The following STAT5A variants were observed in gnomAD, a reference collection of about 807,000 sequenced individuals.
STAT5A encodes epididymis secretory sperm binding protein.
Under a neutral mutation model 100.2 loss-of-function variants are expected in STAT5A, and 26 were observed. That is an observed-to-expected ratio of 0.26 (90% CI 0.19 to 0.36). STAT5A has a LOEUF of 0.36. Ranked by LOEUF, STAT5A falls within the 10% of genes least tolerant of loss-of-function variation. The pLI, the probability that STAT5A is intolerant of heterozygous loss-of-function variation, is 1.00. For missense variants in STAT5A, 634 were observed against 1,027.5 expected (o/e 0.62, Z 5.24); for synonymous variants, 330 against 424.3 (o/e 0.78, Z 2.73).
At chr17:42,301,932 G>A (rs2080983896) in intron 9 of STAT5A, among the ~76,000 whole-genome samples, 1 of 152,180 alleles carries the variant, frequency 6.6e-6, no homozygotes, top group Non-Finnish European at 1.5e-5. Flanking sequence ...ACTTTGGGAG[G>A]CCACGGTCGG....
chr17:42,295,615 C>G lies in STAT5A; in HGVS notation c.376-4C>G. 6.2e-7 allele frequency: 1 copy of G among 1,612,268 alleles called. No individual in the cohort carries two copies. Among genetic ancestry groups the G allele is most frequent in the Non-Finnish European group, 8.5e-7 (1 of 1,179,172 alleles). Reference sequence around the variant, plus strand: ...CGAGTTATTTCCATTCCATCTGTCTCCAGTGCAGCTCTCCGGCTGGGATCC... The same window carrying G: ...CGAGTTATTTCCATTCCATCTGTCTGCAGTGCAGCTCTCCGGCTGGGATCC... On this transcript the variant is annotated splice_region_variant and splice_polypyrimidine_tract_variant and intron_variant, in intron 4 of 18. Transcript: ENST00000590949.
chr17:42,295,668 T>A lies in STAT5A; in HGVS notation c.425T>A (p.Leu142His). 6.2e-7 allele frequency: 1 copy of A among 1,613,972 alleles called. No homozygotes were observed. Among genetic ancestry groups the A allele is most frequent in the Non-Finnish European group, 8.5e-7 (1 of 1,179,956 alleles). ...GTTGACGCCATGTCCCAGAAGCACC[T>A]TCAGATCAACCAGACATTTGAGGAG... Reference protein sequence around the residue: ...ILVDAMSQKHLQINQTFEELR... With the variant: ...ILVDAMSQKHHQINQTFEELR... The change falls in exon 5 of 19, where the codon CTT becomes CAT. Residue 142 changes from leucine (L) to histidine (H), a missense_variant. Leu to His is a moderately conservative substitution (Grantham distance 99, BLOSUM62 -3). Around this residue, in one of 5 missense-constraint regions of STAT5A, gnomAD observed 207 missense variants for 256.6 expected, o/e 0.81. Transcript: ENST00000590949.
At position 42,310,778 on chromosome 17, in the gene STAT5A, TTGTG is replaced by T. The variant is rs3833144; in HGVS notation, c.*129_*132del. On this transcript the variant is annotated 3_prime_UTR_variant, in exon 19 of 19. Coordinates refer to ENST00000590949, the MANE Select transcript of STAT5A (RefSeq NM_001288718.2). ...GACACCTTTGCAGGCATGCATGTGCTTGTGTGTGTGTGTGTGTGTGTGTCCTTGT... is the reference window on the plus strand; with the variant it reads ...GACACCTTTGCAGGCATGCATGTGCTTGTGTGTGTGTGTGTGTGTCCTTGT... 0.17 allele frequency: 241,348 copies of T among 1,411,040 alleles called. 13,906 individuals carry two copies. The highest frequency in any genetic ancestry group is 0.32 in the East Asian group (12,744 of 39,522). 87.4% of individuals were successfully genotyped at this position (1,411,040 alleles called of 1,614,324 possible).
chr17:42,289,996 C>G lies in STAT5A; in HGVS notation c.259C>G (p.Leu87Val). The G allele has an allele frequency of 1.2e-6, 2 of 1,613,054 alleles. No individual in the cohort carries two copies. Among genetic ancestry groups the G allele is most frequent in the Non-Finnish European group, 1.7e-6 (2 of 1,179,664 alleles). The change falls in exon 3 of 19, where the codon CTG becomes GTG. Residue 87 changes from leucine to valine, a missense_variant. Around this residue, in one of 5 missense-constraint regions of STAT5A, gnomAD observed 207 missense variants for 256.6 expected, o/e 0.81. Coordinates refer to ENST00000590949, the MANE Select transcript of STAT5A (RefSeq NM_001288718.2). ...AGATGGGTTTTTACTGAAGATCAAGCTGGGGCACTACGCCACGCAGCTCCA... is the reference window on the plus strand; with the variant it reads ...AGATGGGTTTTTACTGAAGATCAAGGTGGGGCACTACGCCACGCAGCTCCA... ...GEDGFLLKIK[L>V]GHYATQLQKT...
intron 5 of STAT5A, among the ~76,000 whole-genome samples, chr17:42,296,245 T>G (rs1459509592): frequency 6.6e-6 from 1 of 152,192 alleles, no homozygotes; most frequent in Non-Finnish European, 1.5e-5. Flanking sequence ...ATTGGAAGTC[T>G]TCTGGTTGAA....
chr17:42,301,804 C>T (rs1012813904), intron 9 of STAT5A, among the ~76,000 whole-genome samples: 1 of 152,206 alleles, frequency 6.6e-6, no homozygotes, highest in Non-Finnish European at 1.5e-5. Context: ...TCATGTCAAA[C>T]CATCATTAAA....
intron 4 of STAT5A, 33 bp from the exon 5 acceptor site, chr17:42,295,586 T>C (rs1389715283): frequency 6.2e-7 from 1 of 1,601,122 alleles, no homozygotes; most frequent in East Asian, 2.2e-5. Flanking sequence ...CATCCTCTCT[T>C]CCCCGAGTTA....
chr17:42,305,463 T>C, intron 11 of STAT5A, 147 bp from the exon 12 acceptor site: 1 of 612,566 alleles, frequency 1.6e-6, no homozygotes, highest in South Asian at 2.1e-5. Flanking sequence ...GATTGCACCA[T>C]TGCACTCCAG....
At chr17:42,302,442 T>C (rs1433975584) in intron 9 of STAT5A, among the ~76,000 whole-genome samples, 2 of 151,916 alleles carry the variant, frequency 1.3e-5, no homozygotes, top group Non-Finnish European at 2.9e-5. Context: ...GGGAGGGAAG[T>C]AGCAGAGAGG....
rs776217451 is a variant in STAT5A at position 42,311,406 on chromosome 17, A to T, written c.*737A>T. On this transcript the variant is annotated 3_prime_UTR_variant, in exon 19 of 19. Coordinates refer to ENST00000590949, the MANE Select transcript of STAT5A (RefSeq NM_001288718.2). ...ATTCAAGTCTATGATGCTGTTGCCC[A>T]CGTTTCCCGGGATATATATTCTCTC... 2 of 152,204 alleles carry T rather than the reference A, an allele frequency of 1.3e-5. No homozygotes were observed. Among genetic ancestry groups the T allele is most frequent in the African/African-American group, 2.4e-5 (1 of 41,378 alleles). 9.4% of individuals were successfully genotyped at this position (152,204 alleles called of 1,614,324 possible).
Position 42,310,778 on chromosome 17 carries a change from T to TTGTGTGTG in STAT5A, c.*125_*132dup. The TTGTGTGTG allele has an allele frequency of 1.4e-6, 2 of 1,426,054 alleles. No individual in the cohort carries two copies. The highest frequency in any genetic ancestry group is 2.0e-5 in the Admixed American group (1 of 49,208). 88.3% of individuals were successfully genotyped at this position (1,426,054 alleles called of 1,614,324 possible). On this transcript the variant is annotated 3_prime_UTR_variant, in exon 19 of 19. Coordinates refer to ENST00000590949, the MANE Select transcript of STAT5A (RefSeq NM_001288718.2). Reference sequence around the variant, plus strand: ...GACACCTTTGCAGGCATGCATGTGCTTGTGTGTGTGTGTGTGTGTGTGTCC... The same window carrying TTGTGTGTG: ...GACACCTTTGCAGGCATGCATGTGCTTGTGTGTGTGTGTGTGTGTGTGTGTGTGTGTCC...
At chr17:42,295,900 C>A in intron 5 of STAT5A, 107 bp downstream of exon 5, 1 of 1,508,382 alleles carries the variant, frequency 6.6e-7, no homozygotes, top group Non-Finnish European at 9.0e-7. Context: ...CAGCACTTTG[C>A]CCAAAGCCTG....
Position 42,307,653 on chromosome 17 carries a change from C to T in STAT5A, c.1836C>T (p.Asp612=), listed in dbSNP as rs542864528. The T allele has an allele frequency of 3.0e-5, 49 of 1,614,074 alleles. No individual in the cohort carries two copies. The highest frequency in any genetic ancestry group is 1.6e-4 in the African/African-American group (12 of 75,008). The change falls in exon 15 of 19, where the codon GAC becomes GAT. Residue 612 remains aspartate, a synonymous_variant. Transcript: ENST00000590949. ...ACGACCTGCTCATCAACAAGCCCGA[C>T]GGGACCTTCTTGTTGCGCTTTAGTG... The part of the protein sequence containing the change: ...QAHDLLINKP[D]GTFLLRFSDS...
At chr17:42,287,523 C>A (rs2144477207), upstream of STAT5A, 1 of 152,602 alleles carries the variant, frequency 6.6e-6, no homozygotes, top group East Asian at 1.9e-4. Flanking sequence ...GAAGGGGCCT[C>A]TTGGAGAGGG....
intron 5 of STAT5A, among the ~76,000 whole-genome samples, chr17:42,296,347 TCTC>T (rs1465098863): frequency 6.6e-6 from 1 of 151,920 alleles, no homozygotes; most frequent in Non-Finnish European, 1.5e-5. Flanking sequence ...AGTAGAAAAT[TCTC>T]CTGTATCCTA....
intron 9 of STAT5A, among the ~76,000 whole-genome samples, chr17:42,303,109 G>A (rs1381799699): frequency 1.3e-5 from 2 of 152,172 alleles, no homozygotes; most frequent in Non-Finnish European, 2.9e-5. Context: ...AGCTGGGCAT[G>A]GTGGTGGAAG....
At chr17:42,306,596 C>T (rs2081031272) in intron 13 of STAT5A, 149 bp downstream of exon 13, 1 of 1,226,138 alleles carries the variant, frequency 8.2e-7, no homozygotes, top group Admixed American at 2.2e-5. Context: ...GGGCCCCTAG[C>T]CTCAAGAAAT....
At chr17:42,301,051 A>C (rs1168183746) in intron 8 of STAT5A, among the ~76,000 whole-genome samples, 181 bp downstream of exon 8, 1 of 152,090 alleles carries the variant, frequency 6.6e-6, no homozygotes, top group Non-Finnish European at 1.5e-5. Context: ...TGGACACTGC[A>C]AGAGATACCC....
At chr17:42,310,458 A>G (rs759588701) in intron 18 of STAT5A, 49 bp from the exon 19 acceptor site, 4 of 1,598,836 alleles carry the variant, frequency 2.5e-6, no homozygotes, top group Non-Finnish European at 3.4e-6. Context: ...AGGGAGCTTG[A>G]GGCTGTGAGA....
Sources: gnomAD v4.1 joint callset for allele counts (sites outside exome capture counted in the v4.1 genomes callset) on GRCh38, gnomAD v4.1.1 for gene constraint, gnomAD v4.1.1 regional missense constraint, MANE v1.5 for transcripts, NCBI Gene and HGNC (gene_info 2026-07-23, HGNC 2026-07-21) for gene names.